The following ADAMTS10 variants were observed in gnomAD, a reference collection of about 807,000 sequenced individuals.
ADAMTS10 encodes the protein ADAM metallopeptidase with thrombospondin type 1 motif 10.
ADAMTS10 carries 48 observed loss-of-function variants against 135.9 expected under a neutral mutation model. The ratio of observed to expected loss-of-function variants is 0.35; its 90% CI spans 0.28 to 0.45. The LOEUF (loss-of-function observed/expected upper bound fraction) is 0.45. Ranked by LOEUF, ADAMTS10 falls within the 20% of genes least tolerant of loss-of-function variation. ADAMTS10 has a pLI of 1.00. For missense variants in ADAMTS10, 1,131 were observed against 1,565.2 expected, an observed-to-expected ratio of 0.72 and a Z score of 4.68; for synonymous variants, 621 against 647.5, an observed-to-expected ratio of 0.96 and a Z score of 0.62.
chr19:8,596,136 G>T lies in ADAMTS10; in HGVS notation c.1274C>A (p.Thr425Asn). Residue 425 changes from threonine (T) to asparagine (N), a missense_variant, in exon 11 of 26, where the codon ACC becomes AAC. Around this residue, in one of 3 missense-constraint regions of ADAMTS10, gnomAD observed 745 missense variants for 1,056.3 expected, o/e 0.71. Coordinates refer to ENST00000597188, the MANE Select transcript of ADAMTS10 (RefSeq NM_030957.4). This position sits in a 1 kb window ranked among gnomAD's most constrained non-coding sequence, Gnocchi z 7.2. ...DPAKLMAAHITMKTNPFVWSS... is the reference protein window; with the variant it reads ...DPAKLMAAHINMKTNPFVWSS... ...CCACACGAATGGGTTGGTCTTCATG[G>T]TAATGTGGGCAGCCATGAGCTTGGC... 6.2e-7 allele frequency: 1 copy of T among 1,614,210 alleles called. No individual in the cohort carries two copies. Among genetic ancestry groups the T allele is most frequent in the Non-Finnish European group, 8.5e-7 (1 of 1,180,038 alleles).
At chr19:8,588,332 C>T (rs1383297075) in intron 18 of ADAMTS10, among the ~76,000 whole-genome samples, 4 of 151,812 alleles carry the variant, frequency 2.6e-5, no homozygotes, top group African/African-American at 9.7e-5. Context: ...GGGATCCTCC[C>T]GCTTCAGCCT....
chr19:8,607,694 T>C (rs1275562957), intron 2 of ADAMTS10, among the ~76,000 whole-genome samples: 2 of 151,870 alleles, frequency 1.3e-5, no homozygotes, highest in Non-Finnish European at 2.9e-5. Context: ...AAGCCCACAT[T>C]CCCCACTTCT....
In ADAMTS10 at chr19:8,585,562, T is replaced by C. The variant is rs1343030098; in HGVS notation, c.2759A>G (p.Glu920Gly). The C allele has an allele frequency of 1.2e-6, 2 of 1,601,250 alleles. No individual in the cohort carries two copies. Among genetic ancestry groups the C allele is most frequent in the African/African-American group, 1.3e-5 (1 of 74,700 alleles). ...GCATGCGCTGTCGTCCAGCGCCTTC[T>C]CCTCCGCGGCAGAGACGCGGCGCTG... ...VCQRRVSAAE[E>G]KALDDSACPQ... Residue 920 changes from glutamate to glycine, a missense_variant, in exon 23 of 26, where the codon GAG becomes GGG. Transcript: ENST00000597188.
intron 13 of ADAMTS10, chr19:8,592,328 GA>G: frequency 1.2e-6 from 1 of 846,012 alleles, no homozygotes; most frequent in Admixed American, 2.8e-5. Context: ...GCTTAACGGG[GA>G]GGGGTGTAGA....
intron 13 of ADAMTS10, chr19:8,592,331 G>A (rs1226879940): frequency 1.2e-6 from 1 of 831,302 alleles, no homozygotes; most frequent in Non-Finnish European, 1.8e-6. Context: ...TAACGGGGAG[G>A]GGTGTAGACA....
At chr19:8,589,417 C>T (rs2146054712) in intron 17 of ADAMTS10, 35 bp downstream of exon 17, 2 of 1,611,050 alleles carry the variant, frequency 1.2e-6, no homozygotes, top group Non-Finnish European at 8.5e-7. Flanking sequence ...CCCCGCTCCC[C>T]ATCCCCTCTC....
At chr19:8,589,704 G>T in intron 16 of ADAMTS10, 119 bp from the exon 17 acceptor site, 1 of 1,528,514 alleles carries the variant, frequency 6.5e-7, no homozygotes. Flanking sequence ...GGCAGCTTGG[G>T]CAGAGGGAGT....
rs1374631730 is a variant in ADAMTS10, at chr19:8,580,402, T to G, written c.*491A>C. On this transcript the variant is annotated 3_prime_UTR_variant, in exon 26 of 26. Transcript: ENST00000597188. Reference sequence around the variant, plus strand: ...AGGTTGGGGTGGATCCTCCCCCTAGTCAGGTCAGGGGAGGGTGTCAGGGAG... The same window carrying G: ...AGGTTGGGGTGGATCCTCCCCCTAGGCAGGTCAGGGGAGGGTGTCAGGGAG... 6.2e-6 allele frequency: 1 copy of G among 161,958 alleles called. No individual in the cohort carries two copies. The highest frequency in any genetic ancestry group is 1.4e-5 in the Non-Finnish European group (1 of 73,430). 10.0% of individuals were successfully genotyped at this position (161,958 alleles called of 1,614,324 possible). A position where few individuals can be genotyped will look rare whatever the true frequency, so the allele number is the denominator to read the frequency against.
intron 12 of ADAMTS10, among the ~76,000 whole-genome samples, chr19:8,595,328 G>A (rs1017957069): frequency 3.9e-5 from 6 of 152,166 alleles, no homozygotes; most frequent in Non-Finnish European, 1.5e-5. Flanking sequence ...TCCAGACAGG[G>A]AGTCCCTGGA....
chr19:8,600,787 C>G, intron 6 of ADAMTS10, 141 bp downstream of exon 6: 1 of 1,049,180 alleles, frequency 9.5e-7, no homozygotes, highest in Non-Finnish European at 1.4e-6. Context: ...TGTGAGCCAC[C>G]GCGCCCGGCC....
rs1555740449 is a variant in ADAMTS10, at chr19:8,597,144, C to G, written c.895-12G>C. 3 of 1,614,082 alleles carry G rather than the reference C, an allele frequency of 1.9e-6. No individual in the cohort carries two copies. Among genetic ancestry groups the G allele is most frequent in the Non-Finnish European group, 2.5e-6 (3 of 1,180,026 alleles). On this transcript the variant is annotated splice_polypyrimidine_tract_variant and intron_variant, in intron 7 of 25. Coordinates refer to ENST00000597188, the MANE Select transcript of ADAMTS10 (RefSeq NM_030957.4). ...ATCTCCAGAGTGGGCTGGGGATGGA[C>G]AGAGGGAAATGCATGGGCACCCACC...
intron 25 of ADAMTS10, among the ~76,000 whole-genome samples, chr19:8,581,534 T>G (rs2042350483): frequency 6.6e-6 from 1 of 151,582 alleles, no homozygotes; most frequent in Admixed American, 6.6e-5. Context: ...CTACAAAAAC[T>G]AATTAAAAGA....
At chr19:8,609,575 G>A (rs541921311) in intron 1 of ADAMTS10, among the ~76,000 whole-genome samples, 21 of 152,234 alleles carry the variant, frequency 1.4e-4, no homozygotes, top group African/African-American at 5.1e-4. Flanking sequence ...CGGGCCGGCA[G>A]GAGGCAGTCC....
intron 15 of ADAMTS10, 79 bp downstream of exon 15, chr19:8,591,721 T>C (rs1231533145): frequency 1.6e-5 from 25 of 1,559,548 alleles, no homozygotes; most frequent in Non-Finnish European, 2.0e-5. Context: ...ATTACAGGCG[T>C]GAGCCACGGT....
rs1396455504 is a variant in ADAMTS10 at position 8,592,662 on chromosome 19, A to T, written c.1587+101T>A. 3.3e-6 allele frequency: 4 copies of T among 1,198,980 alleles called. No homozygotes were observed. The East Asian group carries it at 1.0e-4, about 30-fold the overall frequency. The allele number at this position is 1,198,980 out of a possible 1,614,324, so 74.3% of individuals were successfully genotyped here. The stretch of plus-strand genomic sequence containing the variant: ...AAATGGCGGGCGTGGCCAATGTGGG[A>T]GGGAGCAGATAATAGGCCGAAGGAC... On this transcript the variant is annotated intron_variant, in intron 13 of 25. Coordinates refer to ENST00000597188, the MANE Select transcript of ADAMTS10 (RefSeq NM_030957.4).
chr19:8,588,731 C>T (rs2042473919), intron 18 of ADAMTS10, among the ~76,000 whole-genome samples: 1 of 152,078 alleles, frequency 6.6e-6, no homozygotes, highest in Admixed American at 6.5e-5. Flanking sequence ...TTGCTTCCAC[C>T]CAGACGTGGC....
chr19:8,601,128 C>G lies in ADAMTS10; in HGVS notation c.610G>C (p.Gly204Arg), dbSNP rs552937566. ...AAGGTCCGCAGCCACCATGGCCGCC[C>G]TTTCCACGGTTTCTCATCTGGGGAA... ...CGVRDEKPWK[G>R]RPWWLRTLKP... The change falls in exon 6 of 26, where the codon GGG becomes CGG. Residue 204 changes from glycine to arginine, a missense_variant. Physicochemically the swap from Gly to Arg is moderately radical, Grantham distance 125. Coordinates refer to ENST00000597188, the MANE Select transcript of ADAMTS10 (RefSeq NM_030957.4). The surrounding 1 kb of genome is among the most constrained non-coding windows in gnomAD (Gnocchi z 4.6). The G allele has an allele frequency of 6.2e-7, 1 of 1,613,756 alleles. No homozygotes were observed. Among genetic ancestry groups the G allele is most frequent in the South Asian group, 1.1e-5 (1 of 91,078 alleles).
rs1474525807 is a variant in ADAMTS10 at position 8,601,684 on chromosome 19, G to T, written c.593-539C>A. On this transcript the variant is annotated intron_variant, in intron 5 of 25. Coordinates refer to ENST00000597188, the MANE Select transcript of ADAMTS10 (RefSeq NM_030957.4). This position sits in a 1 kb window ranked among gnomAD's most constrained non-coding sequence, Gnocchi z 4.6. ...GCTGCCTCATTGTTTTGTCTATAGG[G>T]CATCTTGGCGGTACCATCTCTTTTT... Among the ~76,000 whole-genome samples the T allele has an allele frequency of 6.6e-6, 1 of 152,026 alleles. No individual in the cohort carries two copies. The highest frequency in any genetic ancestry group is 1.5e-5 in the Non-Finnish European group (1 of 68,004).
chr19:8,588,120 T>C (rs1180797682), intron 18 of ADAMTS10, among the ~76,000 whole-genome samples: 9 of 151,928 alleles, frequency 5.9e-5, no homozygotes, highest in African/African-American at 1.9e-4. Context: ...ATGTAGTGCA[T>C]GTCTGTAGTC....
Sources: allele counts gnomAD v4.1 joint callset (sites outside exome capture counted in the v4.1 genomes callset), GRCh38; gene constraint gnomAD v4.1.1; regional missense constraint gnomAD v4.1.1; non-coding constraint Gnocchi (gnomAD v3.1); transcripts MANE v1.5; gene names NCBI Gene and HGNC (gene_info 2026-07-23, HGNC 2026-07-21).